The following DENND1A variants were observed in gnomAD, a reference collection of about 807,000 sequenced individuals.
DENND1A encodes the protein DENN domain containing 1A, also known as DENN domain-containing protein 1A.
In DENND1A, 51 loss-of-function variants were observed where a neutral mutation model predicts 113.7. That is an observed-to-expected ratio of 0.45 (90% CI 0.36 to 0.57). The LOEUF (loss-of-function observed/expected upper bound fraction) is 0.57, where lower values mean the gene tolerates loss of function less well. DENND1A is among the 20% of genes least tolerant of loss of function. The probability of loss-of-function intolerance (pLI) is 0.00; values close to 1 mark genes in which losing one functional copy is unlikely to be tolerated. For synonymous variants in DENND1A, 565 were observed against 570.8 expected (o/e 0.99, Z 0.14); for missense variants, 1,258 against 1,395.9 (o/e 0.90, Z 1.57).
intron 13 of DENND1A, among the ~76,000 whole-genome samples, chr9:123,474,047 T>G (rs2049692755): frequency 1.5e-5 from 2 of 130,136 alleles, no homozygotes; most frequent in South Asian, 2.6e-4. Flanking sequence ...CAGGCTGGAG[T>G]GCAATGGTGT....
intron 5 of DENND1A, among the ~76,000 whole-genome samples, chr9:123,697,147 A>T (rs377380866): frequency 6.6e-6 from 1 of 152,220 alleles, no homozygotes; most frequent in African/African-American, 2.4e-5. Context: ...TTGCCATTTT[A>T]ACAGGAGAAA....
chr9:123,846,576 G>T (rs1842651235), intron 2 of DENND1A, among the ~76,000 whole-genome samples: 1 of 152,094 alleles, frequency 6.6e-6, no homozygotes, highest in Non-Finnish European at 1.5e-5. Context: ...AAACATTAGG[G>T]TAAGTGAAAT....
At chr9:123,707,488 G>T (rs1024596871) in intron 5 of DENND1A, among the ~76,000 whole-genome samples, 2 of 151,952 alleles carry the variant, frequency 1.3e-5, no homozygotes, top group South Asian at 4.2e-4. Flanking sequence ...AACTGGCAAA[G>T]GAGACAGAAA....
chr9:123,699,688 CTTTTTTTTTTTT>C (rs34215948), intron 5 of DENND1A, among the ~76,000 whole-genome samples: 1 of 112,412 alleles, frequency 8.9e-6, no homozygotes, highest in Non-Finnish European at 1.7e-5. Context: ...TTCTTTCTTT[CTTTTTTTTTTTT>C]TTTTTTTTTT....
At chr9:123,665,342 T>C (rs1410175392) in intron 8 of DENND1A, among the ~76,000 whole-genome samples, 1 of 152,138 alleles carries the variant, frequency 6.6e-6, no homozygotes, top group East Asian at 1.9e-4. Flanking sequence ...AAGCACCAAA[T>C]ATATAATATT....
chr9:123,824,832 A>T (rs1839051932), intron 2 of DENND1A, among the ~76,000 whole-genome samples: 1 of 152,254 alleles, frequency 6.6e-6, no homozygotes, highest in African/African-American at 2.4e-5. Context: ...GAAAAAGATT[A>T]ACTTCATTAT....
At chr9:123,476,209 T>C (rs2049899791) in intron 13 of DENND1A, among the ~76,000 whole-genome samples, 1 of 151,438 alleles carries the variant, frequency 6.6e-6, no homozygotes, top group African/African-American at 2.4e-5. Context: ...GTTCGGGAGA[T>C]TCCTGGTTAC....
At chr9:123,570,556 C>A (rs1427856839) in intron 12 of DENND1A, among the ~76,000 whole-genome samples, 1 of 152,144 alleles carries the variant, frequency 6.6e-6, no homozygotes, top group African/African-American at 2.4e-5. Context: ...GTCCAGCCTG[C>A]ATTAGCTTTT....
At chr9:123,561,176 T>C (rs1211904121) in intron 12 of DENND1A, among the ~76,000 whole-genome samples, 3 of 152,204 alleles carry the variant, frequency 2.0e-5, no homozygotes. Context: ...CACTTAACCT[T>C]CCCTGGCCTT....
chr9:123,497,612 C>G (rs1414800890), intron 13 of DENND1A, among the ~76,000 whole-genome samples: 1 of 152,178 alleles, frequency 6.6e-6, no homozygotes, highest in East Asian at 1.9e-4. Context: ...GCATGAGTCA[C>G]TGTGCCTGGC....
intron 5 of DENND1A, among the ~76,000 whole-genome samples, chr9:123,711,540 A>AT (rs1554970765): frequency 8.9e-6 from 1 of 112,734 alleles, no homozygotes; most frequent in South Asian, 2.9e-4. Flanking sequence ...TATATATATA[A>AT]ATTCAACAAA....
In DENND1A at chr9:123,381,793, A is replaced by G; in HGVS notation, c.2852T>C (p.Leu951Pro). The change falls in exon 24 of 24, where the codon CTC becomes CCC. Residue 951 changes from leucine (L) to proline (P), a missense_variant. This residue lies in a region of DENND1A where 1,159 missense variants were observed against 1,231.7 expected (regional missense o/e 0.94). Transcript: ENST00000394215. This position sits in a 1 kb window ranked among gnomAD's most constrained non-coding sequence, Gnocchi z 4.7. Reference sequence around the variant, plus strand: ...CTGGCCAAAGAGGTTGGGCATGGAGAGGGCGGAGAGGTTGGGCTGAGACCT... The same window carrying G: ...CTGGCCAAAGAGGTTGGGCATGGAGGGGGCGGAGAGGTTGGGCTGAGACCT... ...PHRSQPNLSALSMPNLFGQMP... is the reference protein window; with the variant it reads ...PHRSQPNLSAPSMPNLFGQMP... 1 of 1,516,030 alleles carries G rather than the reference A, an allele frequency of 6.6e-7. No individual in the cohort carries two copies. Among genetic ancestry groups the G allele is most frequent in the Non-Finnish European group, 8.8e-7 (1 of 1,131,742 alleles). 93.9% of individuals were successfully genotyped at this position (1,516,030 alleles called of 1,614,324 possible). A position where few individuals can be genotyped will look rare whatever the true frequency, so the allele number is the denominator to read the frequency against.
At chr9:123,480,401 T>C (rs1354651010) in intron 13 of DENND1A, among the ~76,000 whole-genome samples, 3 of 152,194 alleles carry the variant, frequency 2.0e-5, no homozygotes, top group African/African-American at 7.2e-5. Flanking sequence ...CCTCTTGACA[T>C]TAGCCCTGCA....
intron 21 of DENND1A, chr9:123,400,731 C>T (rs989315660): frequency 1.3e-5 from 2 of 152,168 alleles, no homozygotes; most frequent in Non-Finnish European, 2.9e-5. Flanking sequence ...CAGGGGTGCG[C>T]CACCACACTC....
At chr9:123,594,068 A>G (rs375128770) in intron 11 of DENND1A, among the ~76,000 whole-genome samples, 1 of 152,226 alleles carries the variant, frequency 6.6e-6, no homozygotes. Flanking sequence ...CAGCCTGCAG[A>G]ACCCTGAGCC....
In DENND1A at chr9:123,440,465, G is replaced by C. The variant is rs2046846307; in HGVS notation, c.1383C>G (p.Pro461=). 1 of 1,571,558 alleles carries C rather than the reference G, an allele frequency of 6.4e-7. No individual in the cohort carries two copies. The highest frequency in any genetic ancestry group is 1.4e-5 in the African/African-American group (1 of 70,930). The change falls in exon 19 of 24, where the codon CCC becomes CCG. Residue 461 remains proline (P), a synonymous_variant. Transcript: ENST00000394215. ...TCTTTGGCAGCTGCTCTTCTGGGGT[G>C]GGGGCGCAGCCATTCTCGGCAATGT... ...QKDIAENGCA[P]TPEEQLPKTA...
At chr9:123,512,329 T>C (rs1474526990) in intron 13 of DENND1A, among the ~76,000 whole-genome samples, 1 of 152,206 alleles carries the variant, frequency 6.6e-6, no homozygotes, top group Non-Finnish European at 1.5e-5. Flanking sequence ...GACCTCGCCT[T>C]GTGCTGGCTT....
At chr9:123,539,321 G>A (rs2056097790) in intron 13 of DENND1A, among the ~76,000 whole-genome samples, 1 of 152,106 alleles carries the variant, frequency 6.6e-6, no homozygotes. Flanking sequence ...CCACAGGCTT[G>A]AGTTCATACA....
chr9:123,699,475 C>T (rs11792651), intron 5 of DENND1A, among the ~76,000 whole-genome samples: 3 of 152,012 alleles, frequency 2.0e-5, no homozygotes, highest in Non-Finnish European at 2.9e-5. Context: ...TAATTATTTT[C>T]GACCTCTCCC....
Sources: gnomAD v4.1 joint callset for allele counts (sites outside exome capture counted in the v4.1 genomes callset) on GRCh38, gnomAD v4.1.1 for gene constraint, gnomAD v4.1.1 regional missense constraint, Gnocchi (gnomAD v3.1) non-coding constraint, MANE v1.5 for transcripts, NCBI Gene and HGNC (gene_info 2026-07-23, HGNC 2026-07-21) for gene names.